VWF: variants seen among roughly 807,000 people sequenced by gnomAD.
VWF encodes von Willebrand factor, also known as Factor VIII related antigen.
A neutral mutation model predicts 308.6 loss-of-function variants in VWF; 176 were observed. The ratio of observed to expected loss-of-function variants is 0.57; its 90% CI spans 0.50 to 0.65. The LOEUF (loss-of-function observed/expected upper bound fraction) is 0.65. VWF is among the 30% of genes least tolerant of loss of function. VWF has a pLI of 0.00. For synonymous variants in VWF, 1,385 were observed against 1,443.4 expected (o/e 0.96, Z 0.92); for missense variants, 3,146 against 3,648.2 (o/e 0.86, Z 3.55).
At position 6,071,335 on chromosome 12, in the gene VWF, C is replaced by A. The variant is rs78516266; in HGVS notation, c.1118G>T (p.Arg373Leu). The A allele has an allele frequency of 2.5e-6, 4 of 1,614,130 alleles. No individual in the cohort carries two copies. Among genetic ancestry groups the A allele is most frequent in the Non-Finnish European group, 3.4e-6 (4 of 1,180,028 alleles). Reference sequence around the variant, plus strand: ...ATTGCTGCAGATCCACTGGCTGTTTCGGCAAATGCTGTTGGAGGGAAAAAG... The same window carrying A: ...ATTGCTGCAGATCCACTGGCTGTTTAGGCAAATGCTGTTGGAGGGAAAAAG... ...LSRDCNTCICRNSQWICSNEE... is the reference protein window; with the variant it reads ...LSRDCNTCICLNSQWICSNEE... Residue 373 changes from arginine (R) to leucine (L), a missense_variant, in exon 10 of 52, where the codon CGA (arginine) becomes CTA (leucine). Around this residue, in one of 3 missense-constraint regions of VWF, gnomAD observed 1,304 missense variants for 1,353.0 expected, o/e 0.96. Coordinates refer to ENST00000261405, the MANE Select transcript of VWF (RefSeq NM_000552.5).
chr12:5,985,026 C>A lies in VWF; in HGVS notation c.6976+19G>T, dbSNP rs765425955. On this transcript the variant is annotated intron_variant, in intron 40 of 51. Transcript: ENST00000261405. ...GCTAGGGTTGGGCCCTGGAGACATCCCCCTGGTGGGACACATACCACACTC... is the reference window on the plus strand; with the variant it reads ...GCTAGGGTTGGGCCCTGGAGACATCACCCTGGTGGGACACATACCACACTC... 6.2e-7 allele frequency: 1 copy of A among 1,613,892 alleles called. No individual in the cohort carries two copies. The highest frequency in any genetic ancestry group is 1.1e-5 in the South Asian group (1 of 91,068).
rs1260767631 is a variant in VWF, at chr12:5,948,964, G to T, written c.*51C>A. 3 of 1,579,048 alleles carry T rather than the reference G, an allele frequency of 1.9e-6. No homozygotes were observed. The highest frequency in any genetic ancestry group is 2.6e-6 in the Non-Finnish European group (3 of 1,160,676). ...AGAGGACTGGCAGCACTCTGGCCTG[G>T]CCATCAGGCCAAGGCAGGCAGCAGC... is the stretch of plus-strand genomic sequence containing the variant. On this transcript the variant is annotated 3_prime_UTR_variant, in exon 52 of 52. Transcript: ENST00000261405. This position sits in a 1 kb window ranked among gnomAD's most constrained non-coding sequence, Gnocchi z 4.4.
intron 31 of VWF, among the ~76,000 whole-genome samples, chr12:6,014,182 A>C (rs1453704624): frequency 2.6e-5 from 4 of 152,078 alleles, no homozygotes; most frequent in African/African-American, 9.7e-5. Context: ...ATGTGACTGC[A>C]TGCTCCCGGG....
chr12:6,037,875 G>A (rs1313672641), intron 18 of VWF, among the ~76,000 whole-genome samples: 1 of 152,186 alleles, frequency 6.6e-6, no homozygotes, highest in African/African-American at 2.4e-5. Flanking sequence ...AAGGACCCAG[G>A]CTAGAATCGT....
At chr12:6,029,705 A>G (rs1944236837) in intron 21 of VWF, among the ~76,000 whole-genome samples, 1 of 152,200 alleles carries the variant, frequency 6.6e-6, no homozygotes, top group Non-Finnish European at 1.5e-5. Context: ...CCAGGCATCC[A>G]TGACCAAGAG....
chr12:5,964,274 G>GCATGCATGCATACATACATACATA (rs1591833448), intron 47 of VWF, among the ~76,000 whole-genome samples: 2 of 134,706 alleles, frequency 1.5e-5, no homozygotes, highest in African/African-American at 6.2e-5. Context: ...ATACATACAT[G>GCATGCATGCATACATACATACATA]CATACATACA....
chr12:6,039,285 C>T (rs1223995689), intron 18 of VWF, among the ~76,000 whole-genome samples: 3 of 152,232 alleles, frequency 2.0e-5, no homozygotes, highest in Admixed American at 6.5e-5. Context: ...AGGCTGAGAA[C>T]GTGGTCCTAC....
intron 2 of VWF, among the ~76,000 whole-genome samples, chr12:6,122,322 G>A (rs77012644): frequency 1.3e-5 from 2 of 152,056 alleles, no homozygotes; most frequent in African/African-American, 4.8e-5. Flanking sequence ...AGCATGTCTT[G>A]GGCATGTTAA....
chr12:5,949,911 G>A, intron 50 of VWF, 28 bp from the exon 51 acceptor site: 1 of 1,605,282 alleles, frequency 6.2e-7, no homozygotes, highest in Non-Finnish European at 8.5e-7. Context: ...GATGAAACTT[G>A]AGGACTGGCT....
Position 5,949,819 on chromosome 12 carries a change from C to T in VWF, c.8220G>A (p.Lys2740=), listed in dbSNP as rs1398188060. The T allele has an allele frequency of 6.2e-7, 1 of 1,614,188 alleles. No homozygotes were observed. Among genetic ancestry groups the T allele is most frequent in the Non-Finnish European group, 8.5e-7 (1 of 1,180,034 alleles). ...RLQYVKVGSC[K]SEVEVDIHYC... is the part of the protein sequence containing the mutation. ...AGTGGATATCCACCTCTACTTCAGA[C>T]TTACAGCTTCCCACCTTGACATACT... is the stretch of plus-strand genomic sequence containing the variant. Residue 2740 remains lysine (K), a synonymous_variant, in exon 51 of 52, where the codon AAG becomes AAA. Coordinates refer to ENST00000261405, the MANE Select transcript of VWF (RefSeq NM_000552.5).
At chr12:6,050,777 G>A (rs900136363) in intron 16 of VWF, among the ~76,000 whole-genome samples, 1 of 152,104 alleles carries the variant, frequency 6.6e-6, no homozygotes, top group African/African-American at 2.4e-5. Flanking sequence ...CTGACATGGC[G>A]AAACCCCGTC....
chr12:6,106,234 T>C (rs1254326071), intron 5 of VWF, among the ~76,000 whole-genome samples: 2 of 152,156 alleles, frequency 1.3e-5, no homozygotes, highest in African/African-American at 4.8e-5. Flanking sequence ...ATTCCTCTGA[T>C]ACAATGGAAT....
chr12:6,103,010 C>CAAAATATAT (rs1302094199), intron 5 of VWF, among the ~76,000 whole-genome samples: 1 of 152,034 alleles, frequency 6.6e-6, no homozygotes, highest in Non-Finnish European at 1.5e-5. Flanking sequence ...AGTAATCAAA[C>CAAAATATAT]AGTATGGTAC....
chr12:6,098,236 C>T (rs1413803313), intron 5 of VWF, among the ~76,000 whole-genome samples: 7 of 152,342 alleles, frequency 4.6e-5, no homozygotes, highest in African/African-American at 1.2e-4. Flanking sequence ...GACAACTAAA[C>T]CCCCAGTCCT....
intron 40 of VWF, 129 bp downstream of exon 40, chr12:5,984,911 ATCCAG>A: frequency 1.1e-6 from 1 of 899,814 alleles, no homozygotes; most frequent in Admixed American, 2.0e-5. Flanking sequence ...TTTTTGGAGT[ATCCAG>A]TCGGTCCTTA....
Position 5,996,116 on chromosome 12 carries a change from GTCCTGC to G in VWF, c.5943_5948del (p.Glu1981_Gln1982del), listed in dbSNP as rs1303691608. 6.2e-7 allele frequency: 1 copy of G among 1,614,094 alleles called. No individual in the cohort carries two copies. The highest frequency in any genetic ancestry group is 2.2e-5 in the East Asian group (1 of 44,870). On this transcript the variant is annotated inframe_deletion, in exon 35 of 52. Coordinates refer to ENST00000261405, the MANE Select transcript of VWF (RefSeq NM_000552.5). ...CACCATTATGGAGAATCACCTCCAG[GTCCTGC>G]TCCTTGTTTTGAAATAGGACATAAG...
At chr12:6,080,087 G>A (rs202222452) in intron 6 of VWF, among the ~76,000 whole-genome samples, 1 of 152,040 alleles carries the variant, frequency 6.6e-6, no homozygotes, top group African/African-American at 2.4e-5. Flanking sequence ...TTCCAGGAAG[G>A]CTTCTCTGAC....
At chr12:6,013,388 C>G in intron 32 of VWF, 93 bp downstream of exon 32, 1 of 1,509,934 alleles carries the variant, frequency 6.6e-7, no homozygotes, top group Non-Finnish European at 9.2e-7. Flanking sequence ...GCATGGGCAC[C>G]CTGGGGTCTC....
At chr12:6,095,686 T>A in intron 5 of VWF, 102 bp from the exon 6 acceptor site, 1 of 1,548,882 alleles carries the variant, frequency 6.5e-7, no homozygotes, top group Non-Finnish European at 8.9e-7. Context: ...TGTTTTGTTT[T>A]AATTTTTTAT....
Sources: allele counts gnomAD v4.1 joint callset (sites outside exome capture counted in the v4.1 genomes callset), GRCh38; gene constraint gnomAD v4.1.1; regional missense constraint gnomAD v4.1.1; non-coding constraint Gnocchi (gnomAD v3.1); transcripts MANE v1.5; gene names NCBI Gene and HGNC (gene_info 2026-07-23, HGNC 2026-07-21).